Variants in PDXDC1 observed in about 807,000 individuals in gnomAD.
PDXDC1 encodes the protein pyridoxal dependent decarboxylase domain containing 1.
A neutral mutation model predicts 100.1 loss-of-function variants in PDXDC1; 42 were observed. That is an observed-to-expected ratio of 0.42 (90% CI 0.33 to 0.54). The LOEUF (loss-of-function observed/expected upper bound fraction) is 0.54. Among genes scored for constraint, PDXDC1 ranks in the 20% least tolerant of loss-of-function variants. PDXDC1 has a pLI of 0.10. For missense variants in PDXDC1, 636 were observed against 979.2 expected, an observed-to-expected ratio of 0.65 and a Z score of 4.68; for synonymous variants, 260 against 371.7, an observed-to-expected ratio of 0.70 and a Z score of 3.46.
chr16:15,053,030 A>G (rs1157604754), intron 16 of PDXDC1, among the ~76,000 whole-genome samples: 2 of 152,156 alleles, frequency 1.3e-5, no homozygotes, highest in African/African-American at 4.8e-5. Context: ...GTCTATATTC[A>G]CACTGTCTCA....
intron 4 of PDXDC1, among the ~76,000 whole-genome samples, chr16:15,002,846 T>C (rs1341890307): frequency 2.0e-5 from 3 of 152,180 alleles, no homozygotes; most frequent in Non-Finnish European, 2.9e-5. Context: ...TAAGTGATAT[T>C]CTGATGAGAA....
chr16:15,128,517 G>C (rs1351456411), intron 16 of PDXDC1: 6 of 659,296 alleles, frequency 9.1e-6, no homozygotes, highest in Admixed American at 2.2e-5. Context: ...GGCTTTGCAC[G>C]GCTCTGCCAT....
intron 16 of PDXDC1, among the ~76,000 whole-genome samples, chr16:15,090,424 T>C (rs544334792): frequency 6.6e-6 from 1 of 152,304 alleles, no homozygotes; most frequent in South Asian, 2.1e-4. Flanking sequence ...ATTGAATCCT[T>C]GTTAAGTATT....
chr16:15,072,589 G>A (rs971653973), intron 16 of PDXDC1, among the ~76,000 whole-genome samples: 3 of 152,030 alleles, frequency 2.0e-5, no homozygotes, highest in Non-Finnish European at 4.4e-5. Context: ...GATCACTTGT[G>A]GTCAGGAGTT....
At chr16:15,146,564 G>C in the PDXDC1 span, among the ~76,000 whole-genome samples, 4 of 152,162 alleles carry the variant, frequency 2.6e-5, no homozygotes, top group African/African-American at 4.8e-5. Context: ...GCCGGGTCTT[G>C]TGAGCCCCTA....
At chr16:15,131,597 C>A (rs1334718628) in intron 16 of PDXDC1, 7 of 1,603,948 alleles carry the variant, frequency 4.4e-6, no homozygotes, top group Non-Finnish European at 5.1e-6. Context: ...CGCATGAGGG[C>A]AGAGGTCAGG....
intron 16 of PDXDC1, chr16:15,055,676 CCCTT>C (rs2044481442): frequency 2.7e-6 from 1 of 367,924 alleles, no homozygotes; most frequent in Admixed American, 4.6e-5. Flanking sequence ...CCCGTCCCCT[CCCTT>C]GTCAGAGAGT....
At chr16:15,077,611 G>A (rs1235778121) in intron 16 of PDXDC1, among the ~76,000 whole-genome samples, 1 of 152,200 alleles carries the variant, frequency 6.6e-6, no homozygotes, top group Non-Finnish European at 1.5e-5. Context: ...GGAGGCCGAG[G>A]TGGACGGATC....
In PDXDC1 at chr16:15,093,826, T is replaced by C; in HGVS notation, c.1400-45053T>C. The C allele has an allele frequency of 2.9e-5, 12 of 416,270 alleles. No individual in the cohort carries two copies. The South Asian group carries it at 3.5e-4, about 12-fold the overall frequency. The allele number at this position is 416,270 out of a possible 1,614,324, so 25.8% of individuals were successfully genotyped here. ...AACCCACATAGCCCAGGGAAATCCC[T>C]TCCAAATTTGGACGAAGAAGAGGGA... On this transcript the variant is annotated intron_variant, in intron 16 of 16. Coordinates refer to the PDXDC1 transcript ENST00000535621.
chr16:15,106,641 G>T (rs1383989239), intron 16 of PDXDC1, among the ~76,000 whole-genome samples: 1 of 148,316 alleles, frequency 6.7e-6, no homozygotes, highest in Non-Finnish European at 1.5e-5. Flanking sequence ...TGTAAGCCCA[G>T]CTACTCGGGA....
chr16:15,088,403 G>T (rs189972287), intron 16 of PDXDC1, among the ~76,000 whole-genome samples: 1 of 152,084 alleles, frequency 6.6e-6, no homozygotes, highest in African/African-American at 2.4e-5. Context: ...GGAGGTTGAG[G>T]CTGCAGTGAG....
chr16:15,073,435 T>C (rs2045322783), intron 16 of PDXDC1, among the ~76,000 whole-genome samples: 1 of 152,164 alleles, frequency 6.6e-6, no homozygotes, highest in African/African-American at 2.4e-5. Flanking sequence ...CCAGCCTGGG[T>C]TAGAGTAAGA....
intron 16 of PDXDC1, among the ~76,000 whole-genome samples, chr16:15,051,404 G>T (rs780753278): frequency 1.3e-5 from 2 of 152,224 alleles, no homozygotes; most frequent in Non-Finnish European, 2.9e-5. Context: ...CCAGGCTGGA[G>T]TGCAGCGGCG....
At chr16:15,049,286 C>T (rs193206655) in intron 16 of PDXDC1, among the ~76,000 whole-genome samples, 288 of 152,324 alleles carry the variant, frequency 1.9e-3, no homozygotes, top group Non-Finnish European at 3.2e-3. Context: ...ACCTTGGCCT[C>T]CTACAGTGCT....
At chr16:15,124,334 C>A (rs866597379) in intron 16 of PDXDC1, among the ~76,000 whole-genome samples, 4 of 152,232 alleles carry the variant, frequency 2.6e-5, no homozygotes, top group Middle Eastern at 3.2e-3. Context: ...AGGCCTCTGG[C>A]AGCTGAAAAC....
the PDXDC1 span, among the ~76,000 whole-genome samples, chr16:15,144,703 G>A: frequency 6.6e-6 from 1 of 150,468 alleles, no homozygotes. Context: ...AGGTCCTCCC[G>A]GGACCCACAG....
chr16:15,078,978 A>AT (rs1443308398), intron 16 of PDXDC1, among the ~76,000 whole-genome samples: 1 of 151,654 alleles, frequency 6.6e-6, no homozygotes, highest in African/African-American at 2.4e-5. Flanking sequence ...TACCCGGCCA[A>AT]TTTTTTGTAT....
chr16:15,033,840 A>G (rs190247058), intron 19 of PDXDC1, among the ~76,000 whole-genome samples: 1 of 152,292 alleles, frequency 6.6e-6, no homozygotes, highest in Non-Finnish European at 1.5e-5. Context: ...TGGGTCCCTT[A>G]GCATGGAGGA....
At chr16:15,080,958 A>G (rs891722963) in intron 16 of PDXDC1, among the ~76,000 whole-genome samples, 1 of 152,160 alleles carries the variant, frequency 6.6e-6, no homozygotes, top group Non-Finnish European at 1.5e-5. Context: ...TTAGGGTTCA[A>G]TCATGTTGTA....
Sources: allele counts gnomAD v4.1 joint callset (sites outside exome capture counted in the v4.1 genomes callset), GRCh38; gene constraint gnomAD v4.1.1; transcripts MANE v1.5; gene names NCBI Gene and HGNC (gene_info 2026-07-23, HGNC 2026-07-21).